MIGA1: variants seen among roughly 807,000 people sequenced by gnomAD.
The protein encoded by MIGA1 is family with sequence similarity 73, member A.
Under a neutral mutation model 82.0 loss-of-function variants are expected in MIGA1, and 58 were observed. The ratio of observed to expected loss-of-function variants is 0.71; its 90% CI spans 0.57 to 0.88. MIGA1 has a LOEUF of 0.88. MIGA1 is among the 40% of genes least tolerant of loss of function. The pLI is 0.00. For synonymous variants in MIGA1, 249 were observed against 253.6 expected (o/e 0.98, Z 0.17); for missense variants, 751 against 749.1 (o/e 1.00, Z -0.03).
At chr1:77,811,950 A>G (rs182133431) in intron 5 of MIGA1, among the ~76,000 whole-genome samples, 3 of 152,290 alleles carry the variant, frequency 2.0e-5, no homozygotes, top group African/African-American at 7.2e-5. Flanking sequence ...TAAATGTTTT[A>G]TGAGGAAGAT....
At chr1:77,848,169 C>A (rs1249861308) in intron 8 of MIGA1, 2 of 1,420,482 alleles carry the variant, frequency 1.4e-6, no homozygotes, top group African/African-American at 2.8e-5. Context: ...TTCTCATAGG[C>A]ACAGGAGACC....
At chr1:77,860,961 T>C (rs1303864072) in intron 11 of MIGA1, 1 of 318,128 alleles carries the variant, frequency 3.1e-6, no homozygotes, top group Non-Finnish European at 5.7e-6. Flanking sequence ...CAAATTTTCA[T>C]TTTAATTACT....
At chr1:77,780,559 AG>A (rs1466686098) in intron 1 of MIGA1, among the ~76,000 whole-genome samples, 3 of 152,324 alleles carry the variant, frequency 2.0e-5, no homozygotes, top group South Asian at 2.1e-4. Flanking sequence ...ATAAAGTCAA[AG>A]TTGCAGGATA....
chr1:77,834,893 C>T (rs913197303), intron 7 of MIGA1, among the ~76,000 whole-genome samples: 4 of 152,188 alleles, frequency 2.6e-5, no homozygotes, highest in Admixed American at 2.6e-4. Flanking sequence ...TGGAGAAAAG[C>T]TGTTGACATA....
At chr1:77,779,936 C>CTCATCTCA (rs1477920915) in intron 1 of MIGA1, 200 bp downstream of exon 1, 16 of 1,376,004 alleles carry the variant, frequency 1.2e-5, no homozygotes, top group African/African-American at 1.5e-5. Flanking sequence ...CCGACCTCGT[C>CTCATCTCA]TCATCTCAGA....
chr1:77,868,766 A>G (rs1019522427), intron 14 of MIGA1: 4 of 152,176 alleles, frequency 2.6e-5, no homozygotes, highest in Non-Finnish European at 4.4e-5. Context: ...TATGTAGAAC[A>G]TACTTTTTGG....
At chr1:77,796,969 C>T (rs753139697) in intron 2 of MIGA1, among the ~76,000 whole-genome samples, 9 of 152,142 alleles carry the variant, frequency 5.9e-5, no homozygotes, top group Non-Finnish European at 8.8e-5. Context: ...CACCTCTGAC[C>T]GCTAGCTGCC....
chr1:77,779,903 C>T (rs1681822842), intron 1 of MIGA1, 167 bp downstream of exon 1: 1 of 1,410,354 alleles, frequency 7.1e-7, no homozygotes, highest in South Asian at 1.5e-5. Context: ...AGAGGGTCTA[C>T]GGCCGTGCCA....
At position 77,869,617 on chromosome 1, in the gene MIGA1, A is replaced by C. The variant is rs549731253; in HGVS notation, c.1563+3226A>C. Among the ~76,000 whole-genome samples, 4 of 124,660 alleles carry C rather than the reference A, an allele frequency of 3.2e-5. No individual in the cohort carries two copies. The South Asian group carries it at 1.1e-3, about 35-fold the overall frequency. 81.8% of individuals were successfully genotyped at this position (124,660 alleles called of 152,430 possible). On this transcript the variant is annotated intron_variant, in intron 14 of 15. Transcript: ENST00000370791. ...CCGGACGAGGCGGCTGGCCAGGCAG[A>C]GGGGTCCTCACTTCCCAGTAGGGGC...
intron 7 of MIGA1, among the ~76,000 whole-genome samples, chr1:77,820,465 T>C (rs1431834390): frequency 6.6e-6 from 1 of 152,196 alleles, no homozygotes; most frequent in Non-Finnish European, 1.5e-5. Context: ...TCTGAAAAAT[T>C]AACATATAGA....
chr1:77,802,891 G>T (rs573871104), intron 3 of MIGA1, among the ~76,000 whole-genome samples: 2 of 152,162 alleles, frequency 1.3e-5, no homozygotes, highest in South Asian at 4.2e-4. Context: ...ATTTGGGTAA[G>T]GTTTAGATGT....
In MIGA1 at chr1:77,828,649, A is replaced by G. The variant is rs1309417573; in HGVS notation, c.895+13418A>G. 3.3e-5 allele frequency among the ~76,000 whole-genome samples: 5 copies of G among 152,192 alleles called. No individual in the cohort carries two copies. The South Asian group carries it at 6.2e-4, about 19-fold the overall frequency. The stretch of plus-strand genomic sequence containing the variant: ...CTCAAATATATAAAGTACTACTGCC[A>G]GTAAGTCTGTTTGTCTTTTTGTTTT... On this transcript the variant is annotated intron_variant, in intron 7 of 15. Coordinates refer to ENST00000370791, the MANE Select transcript of MIGA1 (RefSeq NM_198549.4).
intron 7 of MIGA1, among the ~76,000 whole-genome samples, chr1:77,827,738 C>T (rs1308416541): frequency 6.6e-6 from 1 of 152,136 alleles, no homozygotes; most frequent in Non-Finnish European, 1.5e-5. Flanking sequence ...TCTTATTTTC[C>T]TCTACCTGGT....
At chr1:77,821,560 TA>T (rs1364695726) in intron 7 of MIGA1, among the ~76,000 whole-genome samples, 13 of 152,166 alleles carry the variant, frequency 8.5e-5, no homozygotes, top group African/African-American at 2.9e-4. Context: ...CATGCCTGGC[TA>T]ATTTTGTATT....
intron 2 of MIGA1, among the ~76,000 whole-genome samples, chr1:77,792,786 C>CTTTTT (rs888755051): frequency 6.6e-5 from 8 of 121,614 alleles, no homozygotes; most frequent in East Asian, 2.4e-4. Context: ...GGATTGTTTG[C>CTTTTT]TTTTTTTTTT....
chr1:77,866,831 C>T (rs1400020511), intron 14 of MIGA1, among the ~76,000 whole-genome samples: 2 of 151,638 alleles, frequency 1.3e-5, no homozygotes, highest in African/African-American at 2.4e-5. Context: ...CCGTAGGTGC[C>T]ACCACACCCG....
chr1:77,790,776 T>A (rs1269148406), intron 2 of MIGA1, among the ~76,000 whole-genome samples: 1 of 151,068 alleles, frequency 6.6e-6, no homozygotes, highest in Non-Finnish European at 1.5e-5. Flanking sequence ...TTAGTAGAGA[T>A]GGGGTTTCAC....
chr1:77,849,432 T>C (rs1397177592), intron 8 of MIGA1, among the ~76,000 whole-genome samples: 1 of 152,132 alleles, frequency 6.6e-6, no homozygotes, highest in African/African-American at 2.4e-5. Flanking sequence ...ATTTAACTCT[T>C]CTAATAATGT....
In MIGA1 at chr1:77,847,546, T is replaced by C; in HGVS notation, c.996+4139T>C. On this transcript the variant is annotated intron_variant, in intron 8 of 15. Transcript: ENST00000370791. ...GAAAGAGAAATGGAAAAGGGAGAGT[T>C]TGATGATAAAGAGGCATTTGTGACA... The C allele has an allele frequency of 3.4e-6, 5 of 1,479,142 alleles. No homozygotes were observed. The South Asian group carries it at 5.7e-5, about 17-fold the overall frequency. 91.6% of individuals were successfully genotyped at this position (1,479,142 alleles called of 1,614,324 possible).
Sources: gnomAD v4.1 joint callset for allele counts (sites outside exome capture counted in the v4.1 genomes callset) on GRCh38, gnomAD v4.1.1 for gene constraint, MANE v1.5 for transcripts, NCBI Gene and HGNC (gene_info 2026-07-23, HGNC 2026-07-21) for gene names.